The following ATF7 variants were observed in gnomAD, a reference collection of about 807,000 sequenced individuals.
The protein encoded by ATF7 is cyclic AMP-dependent transcription factor ATF-7.
Under a neutral mutation model 50.4 loss-of-function variants are expected in ATF7, and 10 were observed. The observed-to-expected ratio is 0.20, with a 90% CI of 0.12 to 0.34. The LOEUF (loss-of-function observed/expected upper bound fraction) is 0.34. ATF7 is among the 10% of genes least tolerant of loss of function. The pLI is 1.00. For missense variants in ATF7, 465 were observed against 613.9 expected (o/e 0.76, Z 2.56); for synonymous variants, 201 against 226.4 (o/e 0.89, Z 1.01).
At chr12:53,583,623 A>AGATGACTTTTGTATGGC (rs1942539363) in intron 2 of ATF7, among the ~76,000 whole-genome samples, 1 of 152,180 alleles carries the variant, frequency 6.6e-6, no homozygotes, top group African/African-American at 2.4e-5. Context: ...CCACTGACCT[A>AGATGACTTTTGTATGGC]GATGACTTTT....
downstream of ATF7, among the ~76,000 whole-genome samples, chr12:53,511,722 T>G (rs949059031): frequency 6.6e-6 from 1 of 152,158 alleles, no homozygotes; most frequent in Non-Finnish European, 1.5e-5. Flanking sequence ...AAAAGGCCAT[T>G]TGCCATCAGC....
At chr12:53,623,470 A>C (rs1351935055) in intron 1 of ATF7, among the ~76,000 whole-genome samples, 3 of 152,236 alleles carry the variant, frequency 2.0e-5, no homozygotes, top group Non-Finnish European at 2.9e-5. Context: ...TTCCTTTTAA[A>C]TGAATGCTGC....
At chr12:53,617,421 GGTGC>G (rs1944185538) in intron 1 of ATF7, among the ~76,000 whole-genome samples, 1 of 152,124 alleles carries the variant, frequency 6.6e-6, no homozygotes, top group Non-Finnish European at 1.5e-5. Context: ...TGAGGTCACG[GGTGC>G]GAGAGCAGCC....
downstream of ATF7, among the ~76,000 whole-genome samples, chr12:53,511,734 A>G (rs904963908): frequency 6.6e-6 from 1 of 150,380 alleles, no homozygotes; most frequent in South Asian, 2.1e-4. Flanking sequence ...GCCATCAGCA[A>G]CTCTCCCACC....
chr12:53,608,411 A>G (rs1300119466), intron 1 of ATF7, among the ~76,000 whole-genome samples: 1 of 152,212 alleles, frequency 6.6e-6, no homozygotes, highest in Non-Finnish European at 1.5e-5. Flanking sequence ...AAACCGTTTC[A>G]TATAGAAACA....
intron 1 of ATF7, among the ~76,000 whole-genome samples, chr12:53,615,158 C>G (rs891979463): frequency 2.0e-5 from 3 of 151,148 alleles, no homozygotes; most frequent in Non-Finnish European, 4.4e-5. Context: ...CCGAGGCGGG[C>G]GGATCACAAG....
chr12:53,609,835 T>TTTTTTTTTTA (rs1437122101), intron 1 of ATF7, among the ~76,000 whole-genome samples: 3 of 149,456 alleles, frequency 2.0e-5, no homozygotes, highest in East Asian at 2.0e-4. Context: ...TTTTTTTTTT[T>TTTTTTTTTTA]AGACAGGGTC....
chr12:53,537,753 C>A (rs1260360772), intron 4 of ATF7, among the ~76,000 whole-genome samples: 2 of 151,966 alleles, frequency 1.3e-5, no homozygotes, highest in Non-Finnish European at 2.9e-5. Flanking sequence ...AATCTTGTTG[C>A]CCAGGCTAGA....
At chr12:53,621,766 G>A (rs1944391542) in intron 1 of ATF7, among the ~76,000 whole-genome samples, 1 of 144,156 alleles carries the variant, frequency 6.9e-6, no homozygotes, top group Admixed American at 7.0e-5. Context: ...TCCAGCCTGG[G>A]TGACAGAGCA....
intron 1 of ATF7, among the ~76,000 whole-genome samples, chr12:53,611,093 T>C (rs1197160061): frequency 6.6e-6 from 1 of 152,066 alleles, no homozygotes; most frequent in East Asian, 1.9e-4. Context: ...CTCCCAAAGT[T>C]CTGGGATTAC....
At chr12:53,543,515 G>C in intron 3 of ATF7, 67 bp from the exon 4 acceptor site, 3 of 1,419,120 alleles carry the variant, frequency 2.1e-6, no homozygotes, top group Admixed American at 2.4e-5. Flanking sequence ...ATATTAAATA[G>C]TATATAGAGA....
Position 53,543,087 on chromosome 12 carries a change from T to G in ATF7, c.264+243A>C, listed in dbSNP as rs559241909. 1.0e-5 allele frequency: 14 copies of G among 1,371,448 alleles called. No homozygotes were observed. In the East Asian group the frequency reaches 3.4e-4, roughly 33 times the overall value. The allele number at this position is 1,371,448 out of a possible 1,614,324, so 85.0% of individuals were successfully genotyped here. On this transcript the variant is annotated intron_variant, in intron 4 of 11. Transcript: ENST00000420353. ...AAAAAACCGATTATTAAACTAATAC[T>G]CCCCTGGAAGAACAAGAGGACTAAT...
chr12:53,613,417 AAATT>A (rs1943981805), intron 1 of ATF7, among the ~76,000 whole-genome samples: 1 of 152,220 alleles, frequency 6.6e-6, no homozygotes, highest in African/African-American at 2.4e-5. Context: ...ATTTTAAAGT[AAATT>A]AATAAATATT....
At chr12:53,545,042 C>A (rs1939813322) in intron 3 of ATF7, among the ~76,000 whole-genome samples, 1 of 152,148 alleles carries the variant, frequency 6.6e-6, no homozygotes, top group African/African-American at 2.4e-5. Context: ...TACCCAAAAT[C>A]ATAACTCAAG....
At chr12:53,590,477 T>G (rs1041341362) in intron 2 of ATF7, among the ~76,000 whole-genome samples, 1 of 152,184 alleles carries the variant, frequency 6.6e-6, no homozygotes, top group Admixed American at 6.5e-5. Context: ...AGAGATCAAA[T>G]GCTCTACTTC....
chr12:53,541,734 T>C (rs7974220), intron 4 of ATF7, among the ~76,000 whole-genome samples: 1 of 152,226 alleles, frequency 6.6e-6, no homozygotes, highest in South Asian at 2.1e-4. Context: ...TTAGACCACA[T>C]GGAATAAATG....
chr12:53,594,367 C>T (rs570879580), intron 2 of ATF7, among the ~76,000 whole-genome samples: 6 of 152,272 alleles, frequency 3.9e-5, no homozygotes, highest in Non-Finnish European at 7.3e-5. Context: ...TAATTTCCTG[C>T]GTGTAGTACC....
At chr12:53,558,594 G>T (rs897096334) in intron 2 of ATF7, among the ~76,000 whole-genome samples, 1 of 152,148 alleles carries the variant, frequency 6.6e-6, no homozygotes, top group Non-Finnish European at 1.5e-5. Flanking sequence ...CACTGTATTT[G>T]GGAGAACAGA....
Position 53,552,503 on chromosome 12 carries a change from G to A in ATF7, c.145+38C>T, listed in dbSNP as rs757132917. ...CTCTGGTATTAATCTTAACTGCCTG[G>A]TGGTATCAAGGCACGTGGCTTTTGG... On this transcript the variant is annotated intron_variant, in intron 3 of 11. Coordinates refer to ENST00000420353, the MANE Select transcript of ATF7 (RefSeq NM_006856.3). 3 of 1,499,808 alleles carry A rather than the reference G, an allele frequency of 2.0e-6. 1 individual carries two copies. The highest frequency in any genetic ancestry group is 2.3e-5 in the East Asian group (1 of 44,306). The allele number at this position is 1,499,808 out of a possible 1,614,324, so 92.9% of individuals were successfully genotyped here.
Sources: gnomAD v4.1 joint callset for allele counts (sites outside exome capture counted in the v4.1 genomes callset) on GRCh38, gnomAD v4.1.1 for gene constraint, MANE v1.5 for transcripts, NCBI Gene and HGNC (gene_info 2026-07-23, HGNC 2026-07-21) for gene names.